The following SGCZ variants were observed in gnomAD, a reference collection of about 807,000 sequenced individuals.
The protein encoded by SGCZ is zeta-sarcoglycan.
In SGCZ, 40 loss-of-function variants were observed where a neutral mutation model predicts 41.3. The observed-to-expected ratio is 0.97, with a 90% CI of 0.75 to 1.26. The LOEUF (loss-of-function observed/expected upper bound fraction) is 1.26. SGCZ is among the 50% of genes most tolerant of loss of function. The pLI, the probability that SGCZ is intolerant of heterozygous loss-of-function variation, is 0.00. For synonymous variants in SGCZ, 206 were observed against 137.5 expected, an observed-to-expected ratio of 1.50 and a Z score of -3.49; for missense variants, 552 against 369.8, an observed-to-expected ratio of 1.49 and a Z score of -4.04.
chr8:14,356,647 C>T (rs533288603), intron 2 of SGCZ, among the ~76,000 whole-genome samples: 1 of 151,878 alleles, frequency 6.6e-6, no homozygotes, highest in East Asian at 1.9e-4. Context: ...AATCTTTACC[C>T]ATATGAAGCA....
Position 14,085,413 on chromosome 8 carries a change from AC to A in SGCZ, c.*5029del, listed in dbSNP as rs1801495970. Among the ~76,000 whole-genome samples the A allele has an allele frequency of 6.6e-6, 1 of 151,742 alleles. No individual in the cohort carries two copies. Among genetic ancestry groups the A allele is most frequent in the Admixed American group, 6.6e-5 (1 of 15,190 alleles). On this transcript the variant is annotated 3_prime_UTR_variant, in exon 8 of 8. Coordinates refer to ENST00000382080, the MANE Select transcript of SGCZ (RefSeq NM_139167.4). ...TAATGAATGTCCTTGCCCATCTTTA[AC>A]CCTGTTTGGTTTTTATTTATAAATA...
chr8:15,053,407 A>G (rs374540677), intron 1 of SGCZ, among the ~76,000 whole-genome samples: 44 of 152,232 alleles, frequency 2.9e-4, no homozygotes, highest in Admixed American at 2.4e-3. Flanking sequence ...AGTTGATTTC[A>G]CATGAGTACT....
At chr8:15,059,262 T>C (rs1804828775) in intron 1 of SGCZ, among the ~76,000 whole-genome samples, 1 of 152,192 alleles carries the variant, frequency 6.6e-6, no homozygotes, top group Non-Finnish European at 1.5e-5. Context: ...AACAAAAATA[T>C]TAACTGTCTG....
intron 1 of SGCZ, among the ~76,000 whole-genome samples, chr8:14,994,149 G>A (rs1385079596): frequency 6.6e-6 from 1 of 152,134 alleles, no homozygotes; most frequent in African/African-American, 2.4e-5. Flanking sequence ...ATAAATTCCT[G>A]ATCAATTTTA....
intron 2 of SGCZ, among the ~76,000 whole-genome samples, chr8:14,410,784 A>G (rs1170512947): frequency 1.3e-5 from 2 of 152,136 alleles, no homozygotes; most frequent in Admixed American, 1.3e-4. Flanking sequence ...AATATACAAA[A>G]ACCAATGAAA....
At chr8:15,105,332 C>G (rs560609964) in intron 1 of SGCZ, among the ~76,000 whole-genome samples, 1 of 152,222 alleles carries the variant, frequency 6.6e-6, no homozygotes, top group East Asian at 1.9e-4. Flanking sequence ...CCTCACACTG[C>G]TGTAAAGAAC....
intron 1 of SGCZ, among the ~76,000 whole-genome samples, chr8:14,623,463 T>A (rs1263481299): frequency 2.0e-5 from 3 of 152,184 alleles, no homozygotes; most frequent in African/African-American, 4.8e-5. Flanking sequence ...TGACCTCTGT[T>A]GTTTTTCTGG....
At chr8:14,361,201 G>A in intron 2 of SGCZ, among the ~76,000 whole-genome samples, 1 of 152,098 alleles carries the variant, frequency 6.6e-6, no homozygotes, top group East Asian at 1.9e-4. Flanking sequence ...TATCAAACAT[G>A]TGGTTTGAGA....
intron 2 of SGCZ, among the ~76,000 whole-genome samples, chr8:14,345,460 G>A (rs1585389135): frequency 6.6e-6 from 1 of 152,050 alleles, no homozygotes. Context: ...TCTTACAAAT[G>A]GCAAATAAAT....
intron 2 of SGCZ, among the ~76,000 whole-genome samples, chr8:14,495,132 C>T (rs1947709): frequency 1.3e-5 from 2 of 151,818 alleles, no homozygotes; most frequent in African/African-American, 4.8e-5. Context: ...CAGTACCAAG[C>T]GCTTGTAGAG....
At chr8:14,509,419 T>A (rs1209765455) in intron 2 of SGCZ, among the ~76,000 whole-genome samples, 2 of 152,186 alleles carry the variant, frequency 1.3e-5, no homozygotes, top group Admixed American at 1.3e-4. Flanking sequence ...AAAACCTTAA[T>A]ATAATTGCTT....
chr8:15,053,894 G>C (rs931125145), intron 1 of SGCZ, among the ~76,000 whole-genome samples: 1 of 152,074 alleles, frequency 6.6e-6, no homozygotes, highest in Non-Finnish European at 1.5e-5. Flanking sequence ...TCAGAATTCT[G>C]ACACCAAAAC....
intron 1 of SGCZ, among the ~76,000 whole-genome samples, chr8:14,767,959 A>G (rs1800097287): frequency 6.6e-6 from 1 of 152,226 alleles, no homozygotes. Context: ...AATCTTGAGT[A>G]AGAAAATCCA....
intron 1 of SGCZ, among the ~76,000 whole-genome samples, chr8:15,152,664 G>C (rs1350882348): frequency 6.6e-6 from 1 of 152,092 alleles, no homozygotes; most frequent in Non-Finnish European, 1.5e-5. Flanking sequence ...AGATATCTTT[G>C]CTTTTTAAAA....
intron 2 of SGCZ, among the ~76,000 whole-genome samples, chr8:14,432,914 C>CAAAAAAAAAAAAAAAA (rs767979164): frequency 5.3e-5 from 4 of 75,598 alleles, no homozygotes; most frequent in African/African-American, 1.9e-4. Flanking sequence ...ACTGTGTCTC[C>CAAAAAAAAAAAAAAAA]AAAAAAAAAA....
chr8:14,969,034 T>C (rs1352779587), intron 1 of SGCZ, among the ~76,000 whole-genome samples: 1 of 152,094 alleles, frequency 6.6e-6, no homozygotes, highest in African/African-American at 2.4e-5. Flanking sequence ...CTAATACTAA[T>C]CTATTTTTTG....
At chr8:14,782,142 T>A (rs1380341834) in intron 1 of SGCZ, among the ~76,000 whole-genome samples, 1 of 152,110 alleles carries the variant, frequency 6.6e-6, no homozygotes, top group Non-Finnish European at 1.5e-5. Flanking sequence ...AATGAAAAAA[T>A]TGGATAAACG....
At chr8:14,625,557 A>C (rs1471481610) in intron 1 of SGCZ, among the ~76,000 whole-genome samples, 6 of 152,124 alleles carry the variant, frequency 3.9e-5, no homozygotes, top group Admixed American at 3.9e-4. Flanking sequence ...ATATCTGAAC[A>C]TTATTTCAAA....
chr8:14,838,916 C>T (rs2130621148), intron 1 of SGCZ, among the ~76,000 whole-genome samples: 1 of 152,176 alleles, frequency 6.6e-6, no homozygotes, highest in Admixed American at 6.5e-5. Flanking sequence ...AAGTAGGAGA[C>T]TCAGAAAGGT....
Sources: gnomAD v4.1 joint callset for allele counts (sites outside exome capture counted in the v4.1 genomes callset) on GRCh38, gnomAD v4.1.1 for gene constraint, MANE v1.5 for transcripts, NCBI Gene and HGNC (gene_info 2026-07-23, HGNC 2026-07-21) for gene names.